OPCML: variants seen among roughly 807,000 people sequenced by gnomAD.
The protein encoded by OPCML is opioid-binding protein/cell adhesion molecule.
A neutral mutation model predicts 37.8 loss-of-function variants in OPCML; 13 were observed. That is an observed-to-expected ratio of 0.34 (90% CI 0.22 to 0.55). OPCML has a LOEUF of 0.55. Among genes scored for constraint, OPCML ranks in the 20% least tolerant of loss-of-function variants. The pLI is 0.91. For synonymous variants in OPCML, 176 were observed against 168.8 expected, an observed-to-expected ratio of 1.04 and a Z score of -0.33; for missense variants, 341 against 435.6, an observed-to-expected ratio of 0.78 and a Z score of 1.93.
At chr11:132,698,793 A>G (rs1000806016) in intron 2 of OPCML, among the ~76,000 whole-genome samples, 1 of 151,986 alleles carries the variant, frequency 6.6e-6, no homozygotes, top group African/African-American at 2.4e-5. Flanking sequence ...ATCAATTTTT[A>G]GATGATTTTC....
At position 132,943,852 on chromosome 11, in the gene OPCML, C is replaced by A. The variant is rs1201934938; in HGVS notation, c.62-842G>T. Reference sequence around the variant, plus strand: ...GGCACGAGACGCGGGGACGCGCGGACGCCACGCTCAGCGGCCGCCCCCGGC... The same window carrying A: ...GGCACGAGACGCGGGGACGCGCGGAAGCCACGCTCAGCGGCCGCCCCCGGC... On this transcript the variant is annotated intron_variant, in intron 1 of 7. Transcript: ENST00000524381. This position sits in a 1 kb window ranked among gnomAD's most constrained non-coding sequence, Gnocchi z 4.3. The A allele has an allele frequency of 1.3e-5, 2 of 150,870 alleles. No individual in the cohort carries two copies. Among genetic ancestry groups the A allele is most frequent in the East Asian group, 3.9e-4 (2 of 5,148 alleles). The allele number at this position is 150,870 out of a possible 1,614,324, so 9.3% of individuals were successfully genotyped here.
At chr11:132,461,141 C>T (rs1031322702) in intron 4 of OPCML, among the ~76,000 whole-genome samples, 5 of 152,084 alleles carry the variant, frequency 3.3e-5, no homozygotes, top group African/African-American at 1.2e-4. Context: ...CCTCCCCTCT[C>T]CTGACAAACA....
chr11:133,049,937 G>A (rs999903689), intron 1 of OPCML, among the ~76,000 whole-genome samples: 1 of 152,220 alleles, frequency 6.6e-6, no homozygotes, highest in Non-Finnish European at 1.5e-5. Context: ...TCAGCCAAAC[G>A]CTGATCTAGG....
At position 132,927,498 on chromosome 11, in the gene OPCML, GAGAAGTT is replaced by G. The variant is rs566067983; in HGVS notation, c.146+15421_146+15427del. 1.4e-3 allele frequency among the ~76,000 whole-genome samples: 219 copies of G among 152,184 alleles called. No individual in the cohort carries two copies. The Middle Eastern group carries it at 0.02, about 14-fold the overall frequency. Reference sequence around the variant, plus strand: ...GCAAAACTGTCTTTCAAAAATAAGAGAGAAGTTAAGACATCCCCATATAAACAAAAGC... The same window carrying G: ...GCAAAACTGTCTTTCAAAAATAAGAGAAGACATCCCCATATAAACAAAAGC... On this transcript the variant is annotated intron_variant, in intron 2 of 7. Coordinates refer to ENST00000524381, the MANE Select transcript of OPCML (RefSeq NM_001012393.5).
chr11:132,809,066 G>T (rs532176201), intron 2 of OPCML, among the ~76,000 whole-genome samples: 1 of 152,258 alleles, frequency 6.6e-6, no homozygotes, highest in Admixed American at 6.5e-5. Context: ...CAAGAAATAA[G>T]CTGTCTAGAG....
chr11:132,576,700 G>A (rs1442898940), intron 3 of OPCML, among the ~76,000 whole-genome samples: 1 of 151,998 alleles, frequency 6.6e-6, no homozygotes, highest in Non-Finnish European at 1.5e-5. Flanking sequence ...TTATGTTGGT[G>A]TCTGCATATT....
At chr11:133,480,883 G>A (rs1214547140) in intron 1 of OPCML, among the ~76,000 whole-genome samples, 1 of 152,196 alleles carries the variant, frequency 6.6e-6, no homozygotes, top group Non-Finnish European at 1.5e-5. Flanking sequence ...TGAATAATCT[G>A]GACCTAAATT....
intron 2 of OPCML, among the ~76,000 whole-genome samples, chr11:132,669,525 C>T (rs894386862): frequency 6.6e-6 from 1 of 152,128 alleles, no homozygotes; most frequent in South Asian, 2.1e-4. Flanking sequence ...AGATGAGTAA[C>T]CACAGATTTT....
chr11:133,143,572 C>A (rs539982279), intron 1 of OPCML, among the ~76,000 whole-genome samples: 1 of 152,142 alleles, frequency 6.6e-6, no homozygotes, highest in Non-Finnish European at 1.5e-5. Context: ...GGGTTGCTTA[C>A]GAGAACACTT....
chr11:132,821,492 C>T (rs1273430315), intron 2 of OPCML, among the ~76,000 whole-genome samples: 2 of 152,222 alleles, frequency 1.3e-5, no homozygotes, highest in East Asian at 3.9e-4. Flanking sequence ...AGAAACAGCC[C>T]ATTTAATGTG....
chr11:132,420,382 C>T lies in OPCML; in HGVS notation c.917-89G>A, dbSNP rs937813721. On this transcript the variant is annotated intron_variant, in intron 7 of 7. Coordinates refer to ENST00000524381, the MANE Select transcript of OPCML (RefSeq NM_001012393.5). Reference sequence around the variant, plus strand: ...GACAAGCAAATACACATACATGCTTCCCACCTTCCACCCTTCCGCTGACCA... The same window carrying T: ...GACAAGCAAATACACATACATGCTTTCCACCTTCCACCCTTCCGCTGACCA... 4.6e-6 allele frequency: 7 copies of T among 1,533,484 alleles called. No homozygotes were observed. The Admixed American group carries it at 6.2e-5, about 14-fold the overall frequency. 95.0% of individuals were successfully genotyped at this position (1,533,484 alleles called of 1,614,324 possible). A position where few individuals can be genotyped will look rare whatever the true frequency, so the allele number is the denominator to read the frequency against.
At chr11:132,589,607 C>T (rs1036138782) in intron 3 of OPCML, among the ~76,000 whole-genome samples, 3 of 152,102 alleles carry the variant, frequency 2.0e-5, no homozygotes, top group Non-Finnish European at 4.4e-5. Context: ...GAGGAGGTAA[C>T]ATTTAAGTGC....
At chr11:132,747,293 C>T (rs1197551899) in intron 2 of OPCML, among the ~76,000 whole-genome samples, 1 of 152,056 alleles carries the variant, frequency 6.6e-6, no homozygotes, top group Non-Finnish European at 1.5e-5. Context: ...TTATAGGAAG[C>T]AGTGAAAGTC....
At chr11:132,579,305 C>G (rs375950041) in intron 3 of OPCML, among the ~76,000 whole-genome samples, 3 of 151,976 alleles carry the variant, frequency 2.0e-5, no homozygotes, top group African/African-American at 7.3e-5. Context: ...ATTGCAAATT[C>G]ACACGCCTCA....
intron 4 of OPCML, among the ~76,000 whole-genome samples, chr11:132,455,830 T>C (rs2096081118): frequency 1.3e-5 from 2 of 152,130 alleles, no homozygotes; most frequent in Admixed American, 6.6e-5. Flanking sequence ...CTATAGACTA[T>C]AATCTCTGCC....
At chr11:132,771,090 A>G (rs1565850402) in intron 2 of OPCML, among the ~76,000 whole-genome samples, 1 of 152,262 alleles carries the variant, frequency 6.6e-6, no homozygotes, top group East Asian at 1.9e-4. Context: ...TGGAAGAGCA[A>G]CCAACTTTAA....
At position 133,362,919 on chromosome 11, in the gene OPCML, C is replaced by G. The variant is rs1054482614; in HGVS notation, c.61+169345G>C. ...GGTGATGTCTGCAATAGCTCTGTGCCCTAAAGCTGCTCAGAAGGGAATGCA... is the reference window on the plus strand; with the variant it reads ...GGTGATGTCTGCAATAGCTCTGTGCGCTAAAGCTGCTCAGAAGGGAATGCA... On this transcript the variant is annotated intron_variant, in intron 1 of 7. Coordinates refer to ENST00000524381, the MANE Select transcript of OPCML (RefSeq NM_001012393.5). 7.2e-5 allele frequency among the ~76,000 whole-genome samples: 11 copies of G among 152,268 alleles called. No homozygotes were observed. In the East Asian group the frequency reaches 1.2e-3, roughly 16 times the overall value.
At chr11:133,423,765 G>C (rs1028577308) in intron 1 of OPCML, among the ~76,000 whole-genome samples, 1 of 152,114 alleles carries the variant, frequency 6.6e-6, no homozygotes, top group Non-Finnish European at 1.5e-5. Flanking sequence ...TGGATCATGG[G>C]GACAGATCCC....
intron 1 of OPCML, among the ~76,000 whole-genome samples, chr11:133,106,341 A>G (rs543366013): frequency 6.6e-6 from 1 of 152,368 alleles, no homozygotes; most frequent in Admixed American, 6.5e-5. Flanking sequence ...CCCATTTAGC[A>G]AACTCTGATA....
Sources: gnomAD v4.1 joint callset for allele counts (sites outside exome capture counted in the v4.1 genomes callset) on GRCh38, gnomAD v4.1.1 for gene constraint, Gnocchi (gnomAD v3.1) non-coding constraint, MANE v1.5 for transcripts, NCBI Gene and HGNC (gene_info 2026-07-23, HGNC 2026-07-21) for gene names.